Variants in TUSC3 observed in about 807,000 individuals in gnomAD.
TUSC3 encodes tumor suppressor candidate 3, also known as dolichyl-diphosphooligosaccharide--protein glycosyltransferase subunit TUSC3.
In TUSC3, 45 loss-of-function variants were observed where a neutral mutation model predicts 44.8. The ratio of observed to expected loss-of-function variants is 1.00; its 90% CI spans 0.79 to 1.29. TUSC3 has a LOEUF of 1.29. Ranked by LOEUF, TUSC3 falls within the 50% of genes most tolerant of loss-of-function variation. The probability of loss-of-function intolerance (pLI) is 0.00; values close to 1 mark genes in which losing one functional copy is unlikely to be tolerated. For missense variants in TUSC3, 519 were observed against 437.9 expected, an observed-to-expected ratio of 1.19 and a Z score of -1.65; for synonymous variants, 212 against 152.9, an observed-to-expected ratio of 1.39 and a Z score of -2.85.
chr8:15,530,815 A>C (rs970311819), intron 2 of TUSC3, among the ~76,000 whole-genome samples: 1 of 152,158 alleles, frequency 6.6e-6, no homozygotes, highest in African/African-American at 2.4e-5. Flanking sequence ...GAGTCTTCTG[A>C]CTTTTTAAAA....
At chr8:15,760,961 T>C (rs1812146975) in intron 10 of TUSC3, among the ~76,000 whole-genome samples, 1 of 152,198 alleles carries the variant, frequency 6.6e-6, no homozygotes, top group Admixed American at 6.6e-5. Context: ...AATATGTCAC[T>C]GTATCATACT....
chr8:15,430,936 G>A (rs550616734), intron 1 of TUSC3, among the ~76,000 whole-genome samples: 1 of 151,612 alleles, frequency 6.6e-6, no homozygotes, highest in Non-Finnish European at 1.5e-5. Flanking sequence ...TGTAATTATT[G>A]TTGACTGTCC....
At position 15,764,356 on chromosome 8, in the gene TUSC3, C is replaced by G. The variant is rs931998955; in HGVS notation, c.*200C>G. ...TACTTTTTTTAAACTGTGGGTTTTC[C>G]TAGTAAATTTAATTTACAGAAATCA... On this transcript the variant is annotated 3_prime_UTR_variant, in exon 11 of 11. Transcript: ENST00000503731. 3.5e-6 allele frequency: 3 copies of G among 862,848 alleles called. No individual in the cohort carries two copies. The highest frequency in any genetic ancestry group is 2.8e-5 in the East Asian group (1 of 35,120). The allele number at this position is 862,848 out of a possible 1,614,324, so 53.4% of individuals were successfully genotyped here.
downstream of TUSC3, among the ~76,000 whole-genome samples, chr8:15,769,987 T>C (rs538185388): frequency 7.2e-5 from 11 of 152,282 alleles, no homozygotes; most frequent in East Asian, 7.7e-4. Flanking sequence ...AGTTCAACCA[T>C]TGTGGAAGAC....
At chr8:15,609,656 A>G (rs182741030) in intron 1 of TUSC3, among the ~76,000 whole-genome samples, 1 of 152,170 alleles carries the variant, frequency 6.6e-6, no homozygotes, top group African/African-American at 2.4e-5. Flanking sequence ...CAGAGAAAGT[A>G]TCATGATTCC....
At chr8:15,714,732 T>A (rs1357065082) in intron 6 of TUSC3, among the ~76,000 whole-genome samples, 1 of 152,156 alleles carries the variant, frequency 6.6e-6, no homozygotes, top group East Asian at 1.9e-4. Flanking sequence ...TGATAAAGAA[T>A]CAGTAAACTT....
chr8:15,738,859 G>C (rs1273734635), intron 7 of TUSC3, among the ~76,000 whole-genome samples: 1 of 50,992 alleles, frequency 2.0e-5, no homozygotes, highest in Non-Finnish European at 3.9e-5. Flanking sequence ...TTGAGAGGGA[G>C]TCTCACTCTG....
the TUSC3 span, among the ~76,000 whole-genome samples, chr8:15,821,794 T>C: frequency 3.4e-5 from 5 of 147,896 alleles, no homozygotes; most frequent in African/African-American, 1.0e-4. Context: ...TGTTTGTGTT[T>C]TGTTCACAAA....
chr8:15,728,930 C>G (rs1810604988), intron 6 of TUSC3, among the ~76,000 whole-genome samples: 1 of 151,934 alleles, frequency 6.6e-6, no homozygotes, highest in Non-Finnish European at 1.5e-5. Context: ...AATGAGTGGT[C>G]AGATGAAGCA....
At chr8:15,574,804 T>A (rs920597138) in intron 1 of TUSC3, among the ~76,000 whole-genome samples, 4 of 152,170 alleles carry the variant, frequency 2.6e-5, no homozygotes, top group African/African-American at 9.7e-5. Context: ...TATGTTCAAA[T>A]GGGTTTTTAT....
chr8:15,658,302 T>TCTTA (rs1357712130), intron 3 of TUSC3, among the ~76,000 whole-genome samples: 1 of 152,092 alleles, frequency 6.6e-6, no homozygotes, highest in Non-Finnish European at 1.5e-5. Flanking sequence ...TGTGCTAAGT[T>TCTTA]GTGTGAAGCT....
chr8:15,488,935 G>A (rs909348889), intron 2 of TUSC3, among the ~76,000 whole-genome samples: 1 of 152,180 alleles, frequency 6.6e-6, no homozygotes, highest in Non-Finnish European at 1.5e-5. Context: ...ATATGAATAA[G>A]TATGCTGACT....
rs572571628 is a variant in TUSC3, at chr8:15,522,264, G to C, written n.189+38781G>C. The stretch of plus-strand genomic sequence containing the variant: ...TTTTTTTTTTCTTTGAGACAGTCTT[G>C]CTCTATCGCCCATGCTGGAGTGCAG... On this transcript the variant is annotated intron_variant and non_coding_transcript_variant, in intron 2 of 5. Coordinates refer to the TUSC3 transcript ENST00000503191. 2.7e-5 allele frequency among the ~76,000 whole-genome samples: 4 copies of C among 150,154 alleles called. No individual in the cohort carries two copies. In the South Asian group the frequency reaches 8.4e-4, roughly 32 times the overall value.
rs114908808 is a variant in TUSC3, at chr8:15,609,178, T to C, written c.139-13902T>C. On this transcript the variant is annotated intron_variant, in intron 1 of 10. Transcript: ENST00000503731. ...AACTCAATTTTACAATTTATGAGTA[T>C]AGTTACGGTTTTGTTTTGCCACATT... Among the ~76,000 whole-genome samples the C allele has an allele frequency of 4.7e-4, 71 of 152,304 alleles. No homozygotes were observed. In the South Asian group the frequency reaches 5.2e-3, roughly 11 times the overall value.
At chr8:15,622,884 G>C (rs911300951) in intron 1 of TUSC3, among the ~76,000 whole-genome samples, 196 bp from the exon 2 acceptor site, 3 of 151,882 alleles carry the variant, frequency 2.0e-5, no homozygotes, top group African/African-American at 7.3e-5. Context: ...GGATATATAA[G>C]GCCAAGAGAA....
At chr8:15,453,456 G>A (rs1163584429) in intron 1 of TUSC3, among the ~76,000 whole-genome samples, 1 of 152,056 alleles carries the variant, frequency 6.6e-6, no homozygotes. Context: ...AATAAAAAAC[G>A]GTGATTTCTC....
At chr8:15,515,689 A>G (rs146765611) in intron 2 of TUSC3, among the ~76,000 whole-genome samples, 5,006 of 152,064 alleles carry the variant, frequency 0.033, 243 homozygotes, top group African/African-American at 0.11. Context: ...TTTTTTTGAG[A>G]CGGAGTCTCA....
chr8:15,795,401 G>A, the TUSC3 span, among the ~76,000 whole-genome samples: 3 of 152,150 alleles, frequency 2.0e-5, no homozygotes, highest in African/African-American at 7.2e-5. Flanking sequence ...CTAAAATCAG[G>A]GACAAATTTT....
chr8:15,526,365 T>C (rs1235692052), intron 2 of TUSC3, among the ~76,000 whole-genome samples: 1 of 152,152 alleles, frequency 6.6e-6, no homozygotes, highest in African/African-American at 2.4e-5. Flanking sequence ...TTACATTCTA[T>C]ACAGAGGGAA....
Sources: allele counts gnomAD v4.1 joint callset (sites outside exome capture counted in the v4.1 genomes callset), GRCh38; gene constraint gnomAD v4.1.1; transcripts MANE v1.5; gene names NCBI Gene and HGNC (gene_info 2026-07-23, HGNC 2026-07-21).